The following GRIA4 variants were observed in gnomAD, a reference collection of about 807,000 sequenced individuals.
The protein encoded by GRIA4 is glutamate receptor 4.
In GRIA4, 34 loss-of-function variants were observed where a neutral mutation model predicts 104.0. That is an observed-to-expected ratio of 0.33 (90% CI 0.25 to 0.44). GRIA4 has a LOEUF of 0.44. Among genes scored for constraint, GRIA4 ranks in the 20% least tolerant of loss-of-function variants. GRIA4 has a pLI of 1.00. For missense variants in GRIA4, 750 were observed against 1,096.5 expected, an observed-to-expected ratio of 0.68 and a Z score of 4.46; for synonymous variants, 386 against 381.9, an observed-to-expected ratio of 1.01 and a Z score of -0.13.
intron 12 of GRIA4, among the ~76,000 whole-genome samples, chr11:105,925,196 T>A (rs1203266415): frequency 6.6e-6 from 1 of 152,138 alleles, no homozygotes; most frequent in Non-Finnish European, 1.5e-5. Context: ...TTATCTCACA[T>A]AGCTTAAGGG....
At chr11:105,726,192 C>T (rs533867647) in intron 3 of GRIA4, among the ~76,000 whole-genome samples, 1 of 152,184 alleles carries the variant, frequency 6.6e-6, no homozygotes, top group African/African-American at 2.4e-5. Flanking sequence ...TTGGGATGCT[C>T]GAGCTTGGTG....
At chr11:105,921,351 T>TG in intron 11 of GRIA4, among the ~76,000 whole-genome samples, 1 of 110,824 alleles carries the variant, frequency 9.0e-6, no homozygotes. Flanking sequence ...GTGTGTGTGT[T>TG]TTAGTCCAAG....
At chr11:105,637,137 C>G (rs183420299) in intron 3 of GRIA4, among the ~76,000 whole-genome samples, 3 of 152,086 alleles carry the variant, frequency 2.0e-5, no homozygotes, top group Non-Finnish European at 1.5e-5. Flanking sequence ...AAAAAATAAC[C>G]ATTTAAAAAT....
intron 15 of GRIA4, among the ~76,000 whole-genome samples, chr11:105,973,801 T>A (rs1410795223): frequency 6.6e-6 from 1 of 152,122 alleles, no homozygotes; most frequent in Non-Finnish European, 1.5e-5. Context: ...ATGAACAAAA[T>A]GTGAAACCAT....
At chr11:105,688,152 A>C (rs11226824) in intron 3 of GRIA4, among the ~76,000 whole-genome samples, 20,314 of 66,258 alleles carry the variant, frequency 0.31, 1,612 homozygotes, top group East Asian at 0.42. Context: ...ATCTATATCT[A>C]TATCTCTATC....
At chr11:105,717,283 T>C (rs1255232330) in intron 3 of GRIA4, among the ~76,000 whole-genome samples, 1 of 152,026 alleles carries the variant, frequency 6.6e-6, no homozygotes, top group Non-Finnish European at 1.5e-5. Context: ...TTTTTCTCTG[T>C]GACTATAAAT....
intron 3 of GRIA4, among the ~76,000 whole-genome samples, chr11:105,681,538 G>A (rs1207679120): frequency 6.6e-6 from 1 of 152,140 alleles, no homozygotes; most frequent in Non-Finnish European, 1.5e-5. Flanking sequence ...AAATCTCAGT[G>A]TCTATCACTG....
At chr11:105,625,259 C>T (rs1950857498) in intron 3 of GRIA4, among the ~76,000 whole-genome samples, 2 of 152,008 alleles carry the variant, frequency 1.3e-5, no homozygotes, top group African/African-American at 4.8e-5. Context: ...GTGTCTGGAA[C>T]ATTAATGTTC....
intron 11 of GRIA4, among the ~76,000 whole-genome samples, chr11:105,924,062 A>T (rs562324652): frequency 6.6e-6 from 1 of 152,280 alleles, no homozygotes; most frequent in African/African-American, 2.4e-5. Context: ...AGCCATATGG[A>T]AAGACTGTCA....
intron 6 of GRIA4, among the ~76,000 whole-genome samples, chr11:105,898,038 C>T (rs907450814): frequency 2.6e-5 from 4 of 152,078 alleles, no homozygotes; most frequent in Non-Finnish European, 5.9e-5. Context: ...TTGATTTGAA[C>T]TGAAATAAAA....
chr11:105,650,983 C>T (rs1444485266), intron 3 of GRIA4, among the ~76,000 whole-genome samples: 1 of 152,138 alleles, frequency 6.6e-6, no homozygotes, highest in African/African-American at 2.4e-5. Context: ...AAACATTTTA[C>T]ACTTTAATCA....
rs543336450 is a variant in GRIA4 at position 105,981,498 on chromosome 11, C to T, written c.*1759C>T. ...ATTTTCTTCCATCAACTCTCAAGAT[C>T]CCATTCGCCATTCAATCTCTGTGCT... On this transcript the variant is annotated 3_prime_UTR_variant, in exon 17 of 17. Transcript: ENST00000282499. The T allele has an allele frequency of 2.0e-5, 3 of 151,846 alleles. No homozygotes were observed. The highest frequency in any genetic ancestry group is 4.2e-4 in the South Asian group (2 of 4,806). 9.4% of individuals were successfully genotyped at this position (151,846 alleles called of 1,614,324 possible).
intron 4 of GRIA4, among the ~76,000 whole-genome samples, chr11:105,801,709 A>G (rs1331403427): frequency 6.6e-6 from 1 of 152,004 alleles, no homozygotes; most frequent in Non-Finnish European, 1.5e-5. Context: ...CAAACTAGGG[A>G]AAAAAACTGT....
At chr11:105,760,997 G>A (rs1940609485) in intron 4 of GRIA4, among the ~76,000 whole-genome samples, 2 of 151,978 alleles carry the variant, frequency 1.3e-5, no homozygotes, top group Non-Finnish European at 2.9e-5. Context: ...CTATGTCAGA[G>A]GTTACATATG....
chr11:105,630,960 G>C lies in GRIA4; in HGVS notation c.247+18526G>C, dbSNP rs186238590. On this transcript the variant is annotated intron_variant, in intron 3 of 16. Transcript: ENST00000282499. Reference sequence around the variant, plus strand: ...AATTTCACTTGAATTATGCTAGGATGCCTGTCCATGAACAGGGACATCACA... The same window carrying C: ...AATTTCACTTGAATTATGCTAGGATCCCTGTCCATGAACAGGGACATCACA... 1.8e-3 allele frequency among the ~76,000 whole-genome samples: 276 copies of C among 152,256 alleles called. 1 individual carries two copies. Among genetic ancestry groups the C allele is most frequent in the African/African-American group, 6.3e-3 (261 of 41,544 alleles).
At chr11:105,930,637 T>C (rs1011725339) in intron 13 of GRIA4, among the ~76,000 whole-genome samples, 2 of 152,198 alleles carry the variant, frequency 1.3e-5, no homozygotes, top group African/African-American at 4.8e-5. Context: ...CTGCATTCTA[T>C]AGTTAAGTGA....
chr11:105,881,965 T>C (rs892500017), intron 5 of GRIA4, among the ~76,000 whole-genome samples: 1 of 152,200 alleles, frequency 6.6e-6, no homozygotes, highest in African/African-American at 2.4e-5. Context: ...CTGTTGTTTG[T>C]TTGCAAAAGA....
intron 3 of GRIA4, among the ~76,000 whole-genome samples, chr11:105,666,498 T>C (rs749989494): frequency 2.4e-4 from 36 of 151,900 alleles, no homozygotes; most frequent in Non-Finnish European, 5.0e-4. Flanking sequence ...AAACCTAATC[T>C]CTCTTAAAAA....
At chr11:105,610,486 T>C (rs3758799) in intron 1 of GRIA4, 58 bp downstream of exon 1, 10,547 of 154,316 alleles carry the variant, frequency 0.068, 396 homozygotes, top group African/African-American at 0.084. Flanking sequence ...GCGGAGGGAG[T>C]GCGCGCTCGA....
Sources: gnomAD v4.1 joint callset for allele counts (sites outside exome capture counted in the v4.1 genomes callset) on GRCh38, gnomAD v4.1.1 for gene constraint, MANE v1.5 for transcripts, NCBI Gene and HGNC (gene_info 2026-07-23, HGNC 2026-07-21) for gene names.